ZNF282: variants seen among roughly 807,000 people sequenced by gnomAD.
The protein encoded by ZNF282 is zinc finger protein 282, also known as HTLV-I U5 repressive element-binding protein 1.
A neutral mutation model predicts 61.9 loss-of-function variants in ZNF282; 30 were observed. The ratio of observed to expected loss-of-function variants is 0.48; its 90% CI spans 0.36 to 0.66. The LOEUF (loss-of-function observed/expected upper bound fraction) is 0.66, where lower values mean the gene tolerates loss of function less well. Ranked by LOEUF, ZNF282 falls within the 30% of genes least tolerant of loss-of-function variation. The probability of loss-of-function intolerance (pLI) is 0.00; values close to 1 mark genes in which losing one functional copy is unlikely to be tolerated. For synonymous variants in ZNF282, 396 were observed against 405.0 expected, an observed-to-expected ratio of 0.98 and a Z score of 0.27; for missense variants, 788 against 941.4, an observed-to-expected ratio of 0.84 and a Z score of 2.13.
In ZNF282 at chr7:149,210,645, T is replaced by A. The variant is rs1308516845; in HGVS notation, c.893T>A (p.Leu298Gln). The change falls in exon 5 of 8, where the codon CTG (leucine) becomes CAG (glutamine). Residue 298 changes from leucine (L) to glutamine (Q), a missense_variant. Leu to Gln is a moderately radical substitution (Grantham distance 113). Transcript: ENST00000610704. ...TCCCAGGTGAAGCGTGAGGACACCCTGTGTGTCCGGGGTCAGCGGGGCCTG... is the reference window on the plus strand; with the variant it reads ...TCCCAGGTGAAGCGTGAGGACACCCAGTGTGTCCGGGGTCAGCGGGGCCTG... ...ASSQVKREDTLCVRGQRGLEE... is the reference protein window; with the variant it reads ...ASSQVKREDTQCVRGQRGLEE... The A allele has an allele frequency of 1.9e-6, 3 of 1,611,820 alleles. No individual in the cohort carries two copies. In the African/African-American group the frequency reaches 4.0e-5, roughly 22 times the overall value.
intron 2 of ZNF282, among the ~76,000 whole-genome samples, chr7:149,203,452 T>C (rs1299950026): frequency 6.6e-6 from 1 of 152,226 alleles, no homozygotes; most frequent in East Asian, 1.9e-4. Context: ...GCTCAAGCAA[T>C]CCTTCCACCT....
intron 7 of ZNF282, among the ~76,000 whole-genome samples, chr7:149,214,133 T>G (rs1206158666): frequency 1.3e-5 from 2 of 152,172 alleles, no homozygotes; most frequent in Non-Finnish European, 2.9e-5. Flanking sequence ...CTCTGAAGTC[T>G]GTATGGGATT....
chr7:149,221,873 G>A (rs963602665), intron 7 of ZNF282, among the ~76,000 whole-genome samples: 4 of 152,222 alleles, frequency 2.6e-5, no homozygotes, highest in Admixed American at 2.0e-4. Flanking sequence ...AGTGGCCTCC[G>A]GGGAGCAGTT....
chr7:149,209,020 C>CA (rs58064988), intron 4 of ZNF282, among the ~76,000 whole-genome samples: 17 of 61,724 alleles, frequency 2.8e-4, no homozygotes, highest in African/African-American at 4.0e-4. Flanking sequence ...GACTTCATCT[C>CA]AAAAAAAAAA....
chr7:149,218,000 C>G (rs1207778024), intron 7 of ZNF282, among the ~76,000 whole-genome samples: 1 of 150,744 alleles, frequency 6.6e-6, no homozygotes, highest in African/African-American at 2.4e-5. Flanking sequence ...CCCAGCTGCT[C>G]GGGAGGCTGA....
At chr7:149,196,513 G>A (rs1207883535) in intron 1 of ZNF282, among the ~76,000 whole-genome samples, 2 of 152,126 alleles carry the variant, frequency 1.3e-5, no homozygotes, top group East Asian at 3.9e-4. Context: ...TCCTCAGAGA[G>A]GCCTGAAAGC....
At chr7:149,213,899 AGCTCACCCCTCGTAG>A in intron 7 of ZNF282, 85 bp downstream of exon 7, 2 of 909,082 alleles carry the variant, frequency 2.2e-6, no homozygotes, top group Non-Finnish European at 3.5e-6. Context: ...TCCTCTTCTC[AGCTCACCCCTCGTAG>A]GGTGATGTTC....
intron 2 of ZNF282, among the ~76,000 whole-genome samples, chr7:149,199,439 C>T (rs902188328): frequency 1.3e-5 from 2 of 152,096 alleles, no homozygotes; most frequent in Admixed American, 6.6e-5. Flanking sequence ...TCTCTCCTTT[C>T]TCCTCTGAGT....
At position 149,206,944 on chromosome 7, in the gene ZNF282, G is replaced by GA. The variant is rs1235906137; in HGVS notation, c.712+125dup. ...ATATTTTTATGTAATGGAAACTCAGGAAACCATTTGCTTATAATGCTAGTA... is the reference window on the plus strand; with the variant it reads ...ATATTTTTATGTAATGGAAACTCAGGAAAACCATTTGCTTATAATGCTAGTA... On this transcript the variant is annotated intron_variant, in intron 3 of 7. Transcript: ENST00000610704. 5.1e-6 allele frequency: 7 copies of GA among 1,363,982 alleles called. No individual in the cohort carries two copies. In the East Asian group the frequency reaches 1.6e-4, roughly 31 times the overall value. The allele number at this position is 1,363,982 out of a possible 1,614,324, so 84.5% of individuals were successfully genotyped here.
chr7:149,224,336 C>T lies in ZNF282; in HGVS notation c.1705C>T (p.Arg569Cys), dbSNP rs1170254196. Residue 569 changes from arginine to cysteine, a missense_variant, in exon 8 of 8, where the codon CGC becomes TGC. By Grantham distance (180) the Arg-to-Cys change is radical. Coordinates refer to ENST00000610704, the MANE Select transcript of ZNF282 (RefSeq NM_003575.4). ...SGLIRHQMTHRGERPYKCSEC... is the reference protein window; with the variant it reads ...SGLIRHQMTHCGERPYKCSEC... ...CCTCATCCGCCACCAGATGACGCAC[C>T]GCGGCGAGCGGCCCTACAAGTGCTC... The T allele has an allele frequency of 1.2e-6, 2 of 1,613,292 alleles. No homozygotes were observed. The highest frequency in any genetic ancestry group is 1.3e-5 in the African/African-American group (1 of 74,772).
intron 6 of ZNF282, among the ~76,000 whole-genome samples, chr7:149,212,767 A>G (rs1796108236): frequency 1.3e-5 from 2 of 152,134 alleles, no homozygotes; most frequent in Non-Finnish European, 2.9e-5. Context: ...TTTTTAGTAG[A>G]GATGGGGTTT....
chr7:149,203,754 C>T (rs1795949999), intron 2 of ZNF282, among the ~76,000 whole-genome samples: 1 of 152,172 alleles, frequency 6.6e-6, no homozygotes. Flanking sequence ...ATAAACAATT[C>T]AGTAAATTCC....
At chr7:149,214,153 C>T (rs1158163715) in intron 7 of ZNF282, among the ~76,000 whole-genome samples, 3 of 152,180 alleles carry the variant, frequency 2.0e-5, no homozygotes. Flanking sequence ...TCCTCCCTCG[C>T]CTCTCCCAGC....
intron 3 of ZNF282, 89 bp downstream of exon 3, chr7:149,206,911 G>A: frequency 6.5e-7 from 1 of 1,527,232 alleles, no homozygotes. Flanking sequence ...GCCTAGGCAG[G>A]TTGTTTCATA....
At chr7:149,208,308 C>T (rs1006813797) in intron 4 of ZNF282, among the ~76,000 whole-genome samples, 1 of 152,094 alleles carries the variant, frequency 6.6e-6, no homozygotes, top group African/African-American at 2.4e-5. Context: ...ACCTCAGCCT[C>T]ACTGCAACCT....
At chr7:149,203,939 C>T (rs1398667548) in intron 2 of ZNF282, among the ~76,000 whole-genome samples, 1 of 152,150 alleles carries the variant, frequency 6.6e-6, no homozygotes, top group Non-Finnish European at 1.5e-5. Context: ...GCAGCCCAGC[C>T]TAAAAAATAA....
At chr7:149,207,045 A>G (rs939785723) in intron 3 of ZNF282, among the ~76,000 whole-genome samples, 2 of 152,206 alleles carry the variant, frequency 1.3e-5, no homozygotes, top group Non-Finnish European at 2.9e-5. Context: ...TCAACGTTAC[A>G]CCACTACCAC....
intron 2 of ZNF282, among the ~76,000 whole-genome samples, chr7:149,199,689 T>G (rs917077230): frequency 6.6e-6 from 1 of 152,160 alleles, no homozygotes; most frequent in Non-Finnish European, 1.5e-5. Context: ...TTATAGAATA[T>G]TCAAATAAAA....
chr7:149,196,182 A>G (rs1249864005), intron 1 of ZNF282, among the ~76,000 whole-genome samples: 3 of 152,204 alleles, frequency 2.0e-5, no homozygotes, highest in Non-Finnish European at 4.4e-5. Context: ...ACGGTGGCCA[A>G]TTTGACGGGG....
Sources: allele counts gnomAD v4.1 joint callset (sites outside exome capture counted in the v4.1 genomes callset), GRCh38; gene constraint gnomAD v4.1.1; transcripts MANE v1.5; gene names NCBI Gene and HGNC (gene_info 2026-07-23, HGNC 2026-07-21).